The following KNOP1 variants were observed in gnomAD, a reference collection of about 807,000 sequenced individuals.
KNOP1 encodes lysine-rich nucleolar protein 1.
A neutral mutation model predicts 30.6 loss-of-function variants in KNOP1; 20 were observed. That is an observed-to-expected ratio of 0.65 (90% CI 0.46 to 0.95). The LOEUF (loss-of-function observed/expected upper bound fraction) is 0.95. Among genes scored for constraint, KNOP1 ranks in the 40% least tolerant of loss-of-function variants. KNOP1 has a pLI of 0.00. For synonymous variants in KNOP1, 204 were observed against 210.0 expected, an observed-to-expected ratio of 0.97 and a Z score of 0.25; for missense variants, 540 against 562.0, an observed-to-expected ratio of 0.96 and a Z score of 0.40.
In KNOP1 at chr16:19,714,127, A is replaced by T. The variant is rs1328459413; in HGVS notation, c.909T>A (p.Pro303=). 1.9e-6 allele frequency: 3 copies of T among 1,608,262 alleles called. No homozygotes were observed. The Admixed American group carries it at 5.1e-5, about 28-fold the overall frequency. ...CTGAAGGAAAAACTACCTCCTTCCA[A>T]GGGTCTCCTGCTACCCCACTCTCTT... is the stretch of plus-strand genomic sequence containing the variant. The part of the protein sequence containing the change: ...KRKESGVAGD[P]WKEETDTDLE... The change falls in exon 2 of 5, where the codon CCT becomes CCA. Residue 303 remains proline, a synonymous_variant. Transcript: ENST00000219837.
intron 1 of KNOP1, 186 bp downstream of exon 1, chr16:19,717,972 C>A: frequency 2.4e-6 from 3 of 1,270,558 alleles, no homozygotes; most frequent in Non-Finnish European, 3.0e-6. Flanking sequence ...GTCCCAGGGC[C>A]GGCTCTGAGG....
intron 1 of KNOP1, among the ~76,000 whole-genome samples, chr16:19,716,014 C>A (rs1698203620): frequency 6.6e-6 from 1 of 152,158 alleles, no homozygotes; most frequent in African/African-American, 2.4e-5. Context: ...ATCCTGCAGC[C>A]CTCCTCAGCT....
chr16:19,717,044 T>G (rs373041621), intron 1 of KNOP1, among the ~76,000 whole-genome samples: 1 of 152,124 alleles, frequency 6.6e-6, no homozygotes, highest in African/African-American at 2.4e-5. Context: ...GGTTTTACTA[T>G]GTTGGCCAGG....
Position 19,710,538 on chromosome 16 carries a change from T to C in KNOP1, c.1036A>G (p.Thr346Ala), listed in dbSNP as rs1250483909. ...QEEIDRESGK[T>A]EASETRKWTG... is the part of the protein sequence containing the mutation. Reference sequence around the variant, plus strand: ...CACTTCCTGGTTTCAGAAGCTTCCGTTTTGCCTGACTCGCGATCGATCTCT... The same window carrying C: ...CACTTCCTGGTTTCAGAAGCTTCCGCTTTGCCTGACTCGCGATCGATCTCT... Residue 346 changes from threonine to alanine, a missense_variant, in exon 4 of 5, where the codon ACG becomes GCG. By Grantham distance (58) the Thr-to-Ala change is moderately conservative. Coordinates refer to ENST00000219837, the MANE Select transcript of KNOP1 (RefSeq NM_001012991.3). 1 of 1,612,520 alleles carries C rather than the reference T, an allele frequency of 6.2e-7. No individual in the cohort carries two copies. The highest frequency in any genetic ancestry group is 2.2e-5 in the East Asian group (1 of 44,884).
Position 19,703,896 on chromosome 16 carries a change from G to A in KNOP1, c.*3014C>T, listed in dbSNP as rs960321817. 1 of 152,176 alleles carries A rather than the reference G, an allele frequency of 6.6e-6. No homozygotes were observed. Among genetic ancestry groups the A allele is most frequent in the African/African-American group, 2.4e-5 (1 of 41,430 alleles). The allele number at this position is 152,176 out of a possible 1,614,324, so 9.4% of individuals were successfully genotyped here. A position where few individuals can be genotyped will look rare whatever the true frequency, so the allele number is the denominator to read the frequency against. On this transcript the variant is annotated 3_prime_UTR_variant, in exon 5 of 5. Coordinates refer to ENST00000219837, the MANE Select transcript of KNOP1 (RefSeq NM_001012991.3). ...ATAGAAAAGCAATAAAGCTCCCCCT[G>A]TGCAAATGGAACTCCTAAGCCAGTG...
chr16:19,716,723 T>C (rs755047312), intron 1 of KNOP1, among the ~76,000 whole-genome samples: 5 of 152,190 alleles, frequency 3.3e-5, no homozygotes, highest in Non-Finnish European at 7.4e-5. Flanking sequence ...GGTCCCAAAA[T>C]AGGTGAGCAC....
intron 4 of KNOP1, 63 bp from the exon 5 acceptor site, chr16:19,707,284 C>T (rs572814018): frequency 9.2e-6 from 13 of 1,416,682 alleles, no homozygotes; most frequent in East Asian, 2.3e-5. Context: ...TTCCCTTGAC[C>T]CCCACCCTCA....
In KNOP1 at chr16:19,707,198, A is replaced by G. The variant is rs1208987663; in HGVS notation, c.1089T>C (p.Asp363=). 1.9e-6 allele frequency: 3 copies of G among 1,613,392 alleles called. No individual in the cohort carries two copies. Among genetic ancestry groups the G allele is most frequent in the East Asian group, 4.5e-5 (2 of 44,884 alleles). ...GGTCCTCGTTCTCAAAACCAGCAGTATCCCACTGGCCAAACTGGGTTCCCT... is the reference window on the plus strand; with the variant it reads ...GGTCCTCGTTCTCAAAACCAGCAGTGTCCCACTGGCCAAACTGGGTTCCCT... ...KWTGTQFGQW[D]TAGFENEDQK... The change falls in exon 5 of 5, where the codon GAT becomes GAC. Residue 363 remains aspartate (D), a synonymous_variant. Transcript: ENST00000219837.
rs201711821 is a variant in KNOP1, at chr16:19,710,551, G to A, written c.1023C>T (p.Arg341=). ...CAGAAGCTTCCGTTTTGCCTGACTC[G>A]CGATCGATCTCTTCTTGCAAGGCCT... ...RRKALQEEID[R]ESGKTEASET... The change falls in exon 4 of 5, where the codon CGC becomes CGT. Residue 341 remains arginine, a synonymous_variant. Transcript: ENST00000219837. 5.2e-5 allele frequency: 84 copies of A among 1,612,432 alleles called. 1 individual carries two copies. Among genetic ancestry groups the A allele is most frequent in the African/African-American group, 4.7e-4 (35 of 74,976 alleles).
intron 3 of KNOP1, among the ~76,000 whole-genome samples, chr16:19,710,963 A>G (rs192955082): frequency 3.4e-4 from 52 of 151,318 alleles, no homozygotes; most frequent in African/African-American, 1.2e-3. Context: ...TCCACTTCCC[A>G]CAGGGATGCA....
rs1976237201 is a variant in KNOP1, at chr16:19,703,314, G to GTCAA, written c.*3592_*3595dup. 6.6e-6 allele frequency: 1 copy of GTCAA among 152,058 alleles called. No homozygotes were observed. Among genetic ancestry groups the GTCAA allele is most frequent in the South Asian group, 2.1e-4 (1 of 4,802 alleles). 9.4% of individuals were successfully genotyped at this position (152,058 alleles called of 1,614,324 possible). On this transcript the variant is annotated 3_prime_UTR_variant, in exon 5 of 5. Transcript: ENST00000219837. ...CCATCTTCAAAACCAGCAGTGTCTA[G>GTCAA]TCAAGTCTTTCTTAAGTCTCTTTGA...
chr16:19,711,271 C>T, intron 3 of KNOP1, 101 bp downstream of exon 3: 2 of 1,184,678 alleles, frequency 1.7e-6, no homozygotes, highest in Non-Finnish European at 1.3e-6. Context: ...TCCCTGGTGC[C>T]CCTGAGACCA....
chr16:19,709,620 G>A (rs1976603082), intron 4 of KNOP1, among the ~76,000 whole-genome samples: 1 of 152,156 alleles, frequency 6.6e-6, no homozygotes, highest in Non-Finnish European at 1.5e-5. Flanking sequence ...CCGCCTCACT[G>A]GCCTTCCCTA....
At chr16:19,712,590 G>T (rs1211369590) in intron 2 of KNOP1, among the ~76,000 whole-genome samples, 1 of 152,186 alleles carries the variant, frequency 6.6e-6, no homozygotes, top group East Asian at 1.9e-4. Context: ...AAGGTATTAA[G>T]TCTCTGGAGC....
chr16:19,717,505 C>T (rs1197047499), intron 1 of KNOP1: 1 of 985,260 alleles, frequency 1.0e-6, no homozygotes, highest in Non-Finnish European at 1.2e-6. Context: ...ACAAAGAATC[C>T]ACCGGGAGGT....
intron 4 of KNOP1, 36 bp downstream of exon 4, chr16:19,710,473 T>C (rs759679497): frequency 1.2e-6 from 2 of 1,607,600 alleles, no homozygotes; most frequent in Non-Finnish European, 1.7e-6. Flanking sequence ...AGGCCGAGCG[T>C]GCCACCTCCT....
At position 19,711,398 on chromosome 16, in the gene KNOP1, T is replaced by G. The variant is rs749068445; in HGVS notation, c.961A>C (p.Asn321His). 2 of 1,614,156 alleles carry G rather than the reference T, an allele frequency of 1.2e-6. No individual in the cohort carries two copies. The highest frequency in any genetic ancestry group is 1.7e-6 in the Non-Finnish European group (2 of 1,180,032). The stretch of plus-strand genomic sequence containing the variant: ...TGGTCTATGTGCGCCTCATCCATGT[T>G]GCCTTTTTTTTCCAACACCACCTCT... ...DLEVVLEKKG[N>H]MDEAHIDQVR... The change falls in exon 3 of 5, where the codon AAC becomes CAC. Residue 321 changes from asparagine (N) to histidine (H), a missense_variant. Asn to His is a moderately conservative substitution (Grantham distance 68). Coordinates refer to ENST00000219837, the MANE Select transcript of KNOP1 (RefSeq NM_001012991.3).
intron 1 of KNOP1, chr16:19,717,866 AG>A: frequency 9.5e-7 from 1 of 1,056,334 alleles, no homozygotes; most frequent in Non-Finnish European, 1.1e-6. Context: ...CAGGATCACC[AG>A]CAGGACGCGC....
rs776512440 is a variant in KNOP1, at chr16:19,709,207, C to A, written c.1065+1302G>T. 1.0e-3 allele frequency among the ~76,000 whole-genome samples: 154 copies of A among 152,276 alleles called. 1 individual carries two copies. The highest frequency in any genetic ancestry group is 1.9e-3 in the Non-Finnish European group (128 of 68,018). ...CATTTTACAGGCTCAGGGGAAGGTA[C>A]CTGGCCAGAGTCCCACCACTAGACA... On this transcript the variant is annotated intron_variant, in intron 4 of 4. Coordinates refer to ENST00000219837, the MANE Select transcript of KNOP1 (RefSeq NM_001012991.3).
Sources: gnomAD v4.1 joint callset for allele counts (sites outside exome capture counted in the v4.1 genomes callset) on GRCh38, gnomAD v4.1.1 for gene constraint, MANE v1.5 for transcripts, NCBI Gene and HGNC (gene_info 2026-07-23, HGNC 2026-07-21) for gene names.